The following VPS13C variants were observed in gnomAD, a reference collection of about 807,000 sequenced individuals.
VPS13C encodes vacuolar protein sorting 13 homolog C.
VPS13C carries 358 observed loss-of-function variants against 456.8 expected under a neutral mutation model. The ratio of observed to expected loss-of-function variants is 0.78; its 90% CI spans 0.72 to 0.86. The LOEUF (loss-of-function observed/expected upper bound fraction) is 0.86, where lower values mean the gene tolerates loss of function less well. VPS13C is among the 40% of genes least tolerant of loss of function. The probability of loss-of-function intolerance (pLI) is 0.00; values close to 1 mark genes in which losing one functional copy is unlikely to be tolerated. For synonymous variants in VPS13C, 1,578 were observed against 1,486.7 expected (o/e 1.06, Z -1.41); for missense variants, 4,818 against 4,385.4 (o/e 1.10, Z -2.79).
At chr15:61,983,670 AC>A in intron 20 of VPS13C, 149 bp downstream of exon 20, 1 of 844,118 alleles carries the variant, frequency 1.2e-6, no homozygotes, top group Non-Finnish European at 1.8e-6. Flanking sequence ...TAGCTGCTGA[AC>A]ATATACTGCT....
chr15:61,914,434 C>T (rs905751315), intron 61 of VPS13C, among the ~76,000 whole-genome samples: 2 of 151,670 alleles, frequency 1.3e-5, no homozygotes, highest in Non-Finnish European at 2.9e-5. Context: ...CACTGTGTGG[C>T]GGCAGGCACC....
At chr15:61,982,304 A>G (rs781277012) in intron 21 of VPS13C, among the ~76,000 whole-genome samples, 155 bp downstream of exon 21, 3 of 152,176 alleles carry the variant, frequency 2.0e-5, no homozygotes, top group Admixed American at 6.5e-5. Flanking sequence ...GGTATATTTG[A>G]TTTTGAGAAA....
chr15:61,878,232 C>T (rs932142027), intron 74 of VPS13C, among the ~76,000 whole-genome samples: 3 of 151,658 alleles, frequency 2.0e-5, no homozygotes, highest in Admixed American at 6.6e-5. Flanking sequence ...TGTTCCAATA[C>T]CATTGTTGAA....
rs760460320 is a variant in VPS13C at position 61,949,587 on chromosome 15, C to G, written c.4615G>C (p.Asp1539His). The change falls in exon 42 of 85, where the codon GAC (aspartate) becomes CAC (histidine). Residue 1539 changes from aspartate (D) to histidine (H), a missense_variant. By Grantham distance (81) the Asp-to-His change is moderately conservative. Transcript: ENST00000644861. ...AAAGCTTCCAAATGAAGTACTAAGTCTAAGGATGCAAATGAAACCTAAGAT... is the reference window on the plus strand; with the variant it reads ...AAAGCTTCCAAATGAAGTACTAAGTGTAAGGATGCAAATGAAACCTAAGAT... Reference protein sequence around the residue: ...QRLKVSFASLDLVLHLEALLS... With the variant: ...QRLKVSFASLHLVLHLEALLS... 15 of 1,597,528 alleles carry G rather than the reference C, an allele frequency of 9.4e-6. No homozygotes were observed. The highest frequency in any genetic ancestry group is 1.7e-4 in the Middle Eastern group (1 of 6,010).
intron 3 of VPS13C, 52 bp from the exon 4 acceptor site, chr15:62,035,104 C>A: frequency 7.4e-7 from 1 of 1,351,860 alleles, no homozygotes; most frequent in African/African-American, 1.5e-5. Flanking sequence ...CTCAAGAACA[C>A]AAAAATTTCT....
intron 18 of VPS13C, among the ~76,000 whole-genome samples, chr15:61,988,065 A>C (rs972011174): frequency 6.6e-6 from 1 of 152,260 alleles, no homozygotes; most frequent in African/African-American, 2.4e-5. Context: ...AACAATCTAC[A>C]GACACATACT....
chr15:61,985,406 G>A (rs763102216), intron 18 of VPS13C, among the ~76,000 whole-genome samples: 1 of 152,036 alleles, frequency 6.6e-6, no homozygotes, highest in African/African-American at 2.4e-5. Flanking sequence ...ACAGGTGCCC[G>A]CCACCATGCC....
Position 61,978,743 on chromosome 15 carries a change from T to C in VPS13C, c.2173A>G (p.Ser725Gly). ...ILDFGTFQLN[S>G]KDQGLQKTTN... ...GTCTTCTGTAAACCTTGATCTTTAC[T>C]GTTGAGCTAAAATGAAGGACAAATT... The change falls in exon 23 of 85, where the codon AGT (serine) becomes GGT (glycine). Residue 725 changes from serine (S) to glycine (G), a missense_variant. Ser to Gly is a moderately conservative substitution (Grantham distance 56). Around this residue, in one of 3 missense-constraint regions of VPS13C, gnomAD observed 4,552 missense variants for 4,130.6 expected, o/e 1.10. Transcript: ENST00000644861. 1 of 1,589,654 alleles carries C rather than the reference T, an allele frequency of 6.3e-7. No individual in the cohort carries two copies. The highest frequency in any genetic ancestry group is 8.5e-7 in the Non-Finnish European group (1 of 1,171,974).
intron 49 of VPS13C, 105 bp from the exon 50 acceptor site, chr15:61,931,364 G>T: frequency 8.3e-7 from 1 of 1,198,924 alleles, no homozygotes; most frequent in Non-Finnish European, 1.1e-6. Flanking sequence ...CTGATCTCAT[G>T]AATTTTAAAA....
chr15:62,033,318 T>TA (rs112742650), intron 5 of VPS13C, 123 bp downstream of exon 5: 69 of 513,768 alleles, frequency 1.3e-4, no homozygotes, highest in East Asian at 1.0e-3. Flanking sequence ...ATTTTGAGAT[T>TA]AAAAAAAAAT....
intron 79 of VPS13C, among the ~76,000 whole-genome samples, chr15:61,870,969 GTTGA>G (rs1566959034): frequency 6.6e-6 from 1 of 151,918 alleles, no homozygotes; most frequent in African/African-American, 2.4e-5. Context: ...TCTTTTTATT[GTTGA>G]TTTTTAATAG....
At chr15:61,997,398 A>G (rs778480742) in intron 16 of VPS13C, among the ~76,000 whole-genome samples, 1 of 152,064 alleles carries the variant, frequency 6.6e-6, no homozygotes, top group South Asian at 2.1e-4. Context: ...ATCTCATGCA[A>G]TCTCATGGCT....
chr15:61,996,894 C>CAT lies in VPS13C; in HGVS notation c.1353+3669_1353+3670insAT, dbSNP rs1480729813. ...ACACACACACACACACACACACACACACATATATATATATTACATATACAC... is the reference window on the plus strand; with the variant it reads ...ACACACACACACACACACACACACACATACATATATATATATTACATATACAC... On this transcript the variant is annotated intron_variant, in intron 16 of 84. Coordinates refer to ENST00000644861, the MANE Select transcript of VPS13C (RefSeq NM_020821.3). 1.8e-3 allele frequency among the ~76,000 whole-genome samples: 265 copies of CAT among 143,820 alleles called. 1 individual carries two copies. The highest frequency in any genetic ancestry group is 6.2e-3 in the African/African-American group (232 of 37,276). 94.4% of individuals were successfully genotyped at this position (143,820 alleles called of 152,430 possible).
intron 12 of VPS13C, 132 bp downstream of exon 12, chr15:62,011,975 T>A (rs1218499843): frequency 3.5e-6 from 2 of 564,118 alleles, no homozygotes; most frequent in Non-Finnish European, 6.3e-6. Context: ...CCCAAACATG[T>A]TGTATCATAA....
intron 38 of VPS13C, 115 bp from the exon 39 acceptor site, chr15:61,952,095 G>A (rs755578067): frequency 2.5e-4 from 290 of 1,180,154 alleles, no homozygotes; most frequent in Middle Eastern, 7.1e-4. Context: ...ACAATGTTAA[G>A]ATGTGTACTT....
chr15:61,910,255 C>G lies in VPS13C; in HGVS notation c.8766G>C (p.Val2922=), dbSNP rs142014233. ...ESLSGKLCVR[V]VGCEGSSKPF... ...GTTTGGAAGATCCTTCACAGCCCAC[C>G]ACTCTCACACAAAGTTTGCCTGACA... The change falls in exon 64 of 85, where the codon GTG becomes GTC. Residue 2922 remains valine (V), a synonymous_variant. Transcript: ENST00000644861. 193 of 1,527,976 alleles carry G rather than the reference C, an allele frequency of 1.3e-4. 1 individual carries two copies. The African/African-American group carries it at 2.5e-3, about 20-fold the overall frequency. 94.7% of individuals were successfully genotyped at this position (1,527,976 alleles called of 1,614,324 possible). A position where few individuals can be genotyped will look rare whatever the true frequency, so the allele number is the denominator to read the frequency against.
rs371685718 is a variant in VPS13C at position 61,922,680 on chromosome 15, G to C, written c.6692C>G (p.Thr2231Arg). The change falls in exon 54 of 85, where the codon ACG becomes AGG. Residue 2231 changes from threonine (T) to arginine (R), a missense_variant. Coordinates refer to ENST00000644861, the MANE Select transcript of VPS13C (RefSeq NM_020821.3). ...CCAAAGATTTTCCATTTCCTTAGAC[G>C]TATCTTTGGATCCATCTTCTTTTGT... is the stretch of plus-strand genomic sequence containing the variant. ...PKTKEDGSKD[T>R]SKEMENLWGI... is the part of the protein sequence containing the mutation. 4 of 1,613,716 alleles carry C rather than the reference G, an allele frequency of 2.5e-6. No homozygotes were observed. The Admixed American group carries it at 5.0e-5, about 20-fold the overall frequency.
intron 8 of VPS13C, 118 bp from the exon 9 acceptor site, chr15:62,020,656 A>G (rs2047430262): frequency 2.3e-6 from 2 of 881,752 alleles, no homozygotes; most frequent in Non-Finnish European, 3.4e-6. Flanking sequence ...ACCCAAATGG[A>G]TTTGTGGAAA....
intron 52 of VPS13C, 91 bp downstream of exon 52, chr15:61,927,000 G>C: frequency 8.9e-7 from 1 of 1,120,538 alleles, no homozygotes; most frequent in Non-Finnish European, 1.3e-6. Flanking sequence ...AATCTCTAAA[G>C]TCCCTGCAGA....
Sources: allele counts gnomAD v4.1 joint callset (sites outside exome capture counted in the v4.1 genomes callset), GRCh38; gene constraint gnomAD v4.1.1; regional missense constraint gnomAD v4.1.1; transcripts MANE v1.5; gene names NCBI Gene and HGNC (gene_info 2026-07-23, HGNC 2026-07-21).